FASN: variants seen among roughly 807,000 people sequenced by gnomAD.
FASN encodes the protein 3-hydroxyacyl-[acyl-carrier-protein] dehydratase.
A neutral mutation model predicts 250.0 loss-of-function variants in FASN; 50 were observed. That is an observed-to-expected ratio of 0.20 (90% CI 0.16 to 0.25). The LOEUF is 0.25. FASN is among the 10% of genes least tolerant of loss of function. The pLI is 1.00. For synonymous variants in FASN, 1,909 were observed against 1,584.0 expected, an observed-to-expected ratio of 1.21 and a Z score of -4.87; for missense variants, 3,031 against 3,498.5, an observed-to-expected ratio of 0.87 and a Z score of 3.37.
rs1598575256 is a variant in FASN, at chr17:82,083,826, T to G, written c.5164A>C (p.Asn1722His). Reference sequence around the variant, plus strand: ...TGCTCGAAGGATGTGTCCCGGGAGTTGGCGAAGCTGGTGCTGTCGAGCTGG... The same window carrying G: ...TGCTCGAAGGATGTGTCCCGGGAGTGGGCGAAGCTGGTGCTGTCGAGCTGG... ...FPQLDSTSFA[N>H]SRDTSFEQHV... The change falls in exon 30 of 43, where the codon AAC (asparagine) becomes CAC (histidine). Residue 1722 changes from asparagine to histidine, a missense_variant. By Grantham distance (68) the Asn-to-His change is moderately conservative. Coordinates refer to ENST00000306749, the MANE Select transcript of FASN (RefSeq NM_004104.5). 11 of 1,605,456 alleles carry G rather than the reference T, an allele frequency of 6.9e-6. No homozygotes were observed. The East Asian group carries it at 2.5e-4, about 36-fold the overall frequency.
At chr17:82,094,649 C>T (rs901519851) in intron 3 of FASN, among the ~76,000 whole-genome samples, 2 of 151,392 alleles carry the variant, frequency 1.3e-5, no homozygotes, top group Non-Finnish European at 2.9e-5. Flanking sequence ...ATTAGCCGGG[C>T]GTGGTGGTGG....
chr17:82,091,974 C>A (rs967749473), intron 8 of FASN, among the ~76,000 whole-genome samples: 1 of 152,200 alleles, frequency 6.6e-6, no homozygotes, highest in Non-Finnish European at 1.5e-5. Flanking sequence ...GCCCCCTTGG[C>A]CCAGATGTTG....
At position 82,090,606 on chromosome 17, in the gene FASN, G is replaced by A. The variant is rs371907685; in HGVS notation, c.1681-42C>T. ...ACACTCAGGTTGCAACCTCCAGCAG[G>A]TGCAGCTGTTGGGGGCGGCCCCCGG... On this transcript the variant is annotated intron_variant, in intron 10 of 42. Transcript: ENST00000306749. 1.2e-4 allele frequency: 186 copies of A among 1,566,996 alleles called. 2 individuals carry two copies. In the South Asian group the frequency reaches 2.0e-3, roughly 17 times the overall value.
rs1324267615 is a variant in FASN at position 82,095,380 on chromosome 17, T to C, written c.220A>G (p.Thr74Ala). The C allele has an allele frequency of 8.7e-6, 14 of 1,612,842 alleles. No individual in the cohort carries two copies. Among genetic ancestry groups the C allele is most frequent in the Non-Finnish European group, 1.2e-5 (14 of 1,180,020 alleles). Residue 74 changes from threonine (T) to alanine (A), a missense_variant, in exon 3 of 43, where the codon ACG becomes GCG. Physicochemically the swap from Thr to Ala is moderately conservative, Grantham distance 58. Coordinates refer to ENST00000306749, the MANE Select transcript of FASN (RefSeq NM_004104.5). ...AGCAGCCGCAGCTGAGGGTCCATCGTGTGTGCCTGCTTGGGGTGGACTCCG... is the reference window on the plus strand; with the variant it reads ...AGCAGCCGCAGCTGAGGGTCCATCGCGTGTGCCTGCTTGGGGTGGACTCCG... ...FFGVHPKQAH[T>A]MDPQLRLLLE... is the part of the protein sequence containing the mutation.
rs1475283467 is a variant in FASN, at chr17:82,081,367, C to T, written c.6407-15G>A. ...GTCGCGGATGCCTGGAAGGGATGCG[C>T]CGGGTCGGCAACTCCAGAGGGGGCA... On this transcript the variant is annotated splice_polypyrimidine_tract_variant and intron_variant, in intron 37 of 42. Coordinates refer to ENST00000306749, the MANE Select transcript of FASN (RefSeq NM_004104.5). The T allele has an allele frequency of 5.8e-6, 9 of 1,558,300 alleles. No individual in the cohort carries two copies. The highest frequency in any genetic ancestry group is 7.8e-6 in the Non-Finnish European group (9 of 1,153,060).
Position 82,084,908 on chromosome 17 carries a change from C to T in FASN, c.4455G>A (p.Glu1485=), listed in dbSNP as rs181585755. Reference sequence around the variant, plus strand: ...GCAGTTCTGCGGAGCCCGGGTCCACCTCCGGGACGTGGGAGGTGCTGCTGA... The same window carrying T: ...GCAGTTCTGCGGAGCCCGGGTCCACTTCCGGGACGTGGGAGGTGCTGCTGA... ...SNLSSTSHVP[E]VDPGSAELQK... The change falls in exon 26 of 43, where the codon GAG becomes GAA. Residue 1485 remains glutamate (E), a synonymous_variant. Coordinates refer to ENST00000306749, the MANE Select transcript of FASN (RefSeq NM_004104.5). The T allele has an allele frequency of 7.9e-5, 123 of 1,552,078 alleles. 1 individual carries two copies. In the African/African-American group the frequency reaches 1.5e-3, roughly 19 times the overall value.
chr17:82,080,339 C>T (rs45466394), intron 40 of FASN, 31 bp downstream of exon 40: 54,063 of 1,607,178 alleles, frequency 0.034, 1,142 homozygotes, highest in Middle Eastern at 0.12. Context: ...AGACGTTTGC[C>T]GTAGGCCTCT....
Position 82,083,552 on chromosome 17 carries a change from A to G in FASN, c.5306T>C (p.Ile1769Thr). 1.2e-6 allele frequency: 2 copies of G among 1,612,768 alleles called. No homozygotes were observed. The highest frequency in any genetic ancestry group is 1.7e-5 in the Admixed American group (1 of 60,014). Residue 1769 changes from isoleucine to threonine, a missense_variant, in exon 31 of 43, where the codon ATT becomes ACT. Coordinates refer to ENST00000306749, the MANE Select transcript of FASN (RefSeq NM_004104.5). ...CLATHGRFLE[I>T]GKFDLSQNHP... Reference sequence around the variant, plus strand: ...GTTCTGAGAAAGGTCGAATTTGCCAATTTCCAGGAAGCGACCGTGCGTAGC... The same window carrying G: ...GTTCTGAGAAAGGTCGAATTTGCCAGTTTCCAGGAAGCGACCGTGCGTAGC...
At position 82,085,132 on chromosome 17, in the gene FASN, A is replaced by G. The variant is rs767565275; in HGVS notation, c.4312T>C (p.Ser1438Pro). The G allele has an allele frequency of 6.2e-7, 1 of 1,612,484 alleles. No homozygotes were observed. Among genetic ancestry groups the G allele is most frequent in the Non-Finnish European group, 8.5e-7 (1 of 1,179,940 alleles). ...ATGGCCTTCAGCCACACAGGCCGGG[A>G]AGAGTCTTCGTCAGCCAGGATGCCC... The part of the protein sequence containing the change: ...LKGILADEDS[S>P]RPVWLKAINC... Residue 1438 changes from serine to proline, a missense_variant, in exon 25 of 43, where the codon TCC becomes CCC. Physicochemically the swap from Ser to Pro is moderately conservative, Grantham distance 74 (BLOSUM62 -1). Coordinates refer to ENST00000306749, the MANE Select transcript of FASN (RefSeq NM_004104.5).
In FASN at chr17:82,096,462, G is replaced by A. The variant is rs377661758; in HGVS notation, c.-7-10C>T. The A allele has an allele frequency of 4.7e-5, 76 of 1,609,836 alleles. 1 individual carries two copies. Among genetic ancestry groups the A allele is most frequent in the African/African-American group, 4.5e-4 (34 of 74,936 alleles). On this transcript the variant is annotated splice_polypyrimidine_tract_variant and intron_variant, in intron 1 of 42. Coordinates refer to ENST00000306749, the MANE Select transcript of FASN (RefSeq NM_004104.5). ...CTCCTCCATGGCTGCTCTGCAGGGC[G>A]GGCGGTGTGAGTGCCCCACACATCC...
intron 11 of FASN, 96 bp downstream of exon 11, chr17:82,090,279 C>T: frequency 7.7e-7 from 1 of 1,293,016 alleles, no homozygotes; most frequent in South Asian, 1.3e-5. Context: ...GCCACTCTAT[C>T]CTACGGGGGC....
chr17:82,093,092 G>C, intron 5 of FASN, 73 bp from the exon 6 acceptor site: 1 of 1,593,308 alleles, frequency 6.3e-7, no homozygotes, highest in African/African-American at 1.3e-5. Flanking sequence ...GGAGCTCTGG[G>C]GTGTGGGGTG....
rs760288450 is a variant in FASN at position 82,086,531 on chromosome 17, A to T, written c.3455T>A (p.Val1152Glu). The change falls in exon 22 of 43, where the codon GTG (valine) becomes GAG (glutamate). Residue 1152 changes from valine (V) to glutamate (E), a missense_variant. Transcript: ENST00000306749. ...KGLVQALQTKVTQQGLKMVVP... is the reference protein window; with the variant it reads ...KGLVQALQTKETQQGLKMVVP... The stretch of plus-strand genomic sequence containing the variant: ...CACCATCTTCAGCCCCTGCTGGGTC[A>T]CCTTGGTCTGCAGTGCCTGCACCAG... 6.2e-7 allele frequency: 1 copy of T among 1,612,018 alleles called. No individual in the cohort carries two copies. The highest frequency in any genetic ancestry group is 1.7e-5 in the Admixed American group (1 of 60,014).
chr17:82,093,235 C>T lies in FASN; in HGVS notation c.639G>A (p.Lys213=), dbSNP rs1212875277. ...CACACTCACCCGCTGTGTCGAAGGC[C>T]TTGCAGGTGCCCTCGGGGCTGAGCA... ...LGMLSPEGTC[K]AFDTAGNGYC... The change falls in exon 5 of 43, where the codon AAG becomes AAA. Residue 213 remains lysine, a synonymous_variant. Coordinates refer to ENST00000306749, the MANE Select transcript of FASN (RefSeq NM_004104.5). 6.3e-7 allele frequency: 1 copy of T among 1,586,140 alleles called. No homozygotes were observed.
chr17:82,081,447 T>C, intron 37 of FASN, 95 bp from the exon 38 acceptor site: 21 of 1,570,620 alleles, frequency 1.3e-5, no homozygotes, highest in Non-Finnish European at 1.8e-5. Flanking sequence ...GGGCTGTGCA[T>C]CTCCCAAAGC....
At chr17:82,088,082 G>A (rs746923987) in intron 17 of FASN, 34 bp downstream of exon 17, 20 of 1,612,702 alleles carry the variant, frequency 1.2e-5, no homozygotes, top group Non-Finnish European at 1.7e-5. Context: ...CCGCCCCCCA[G>A]CTACCCCCGC....
intron 8 of FASN, 112 bp downstream of exon 8, chr17:82,092,343 G>A (rs1372859562): frequency 4.3e-6 from 5 of 1,172,504 alleles, no homozygotes; most frequent in East Asian, 2.6e-5. Flanking sequence ...GGCTCCTGGT[G>A]GGGAAGCCCC....
rs745490339 is a variant in FASN, at chr17:82,091,646, G to A, written c.1068C>T (p.Asn356=). Residue 356 remains asparagine (N), a synonymous_variant, in exon 9 of 43, where the codon AAC becomes AAT. Coordinates refer to ENST00000306749, the MANE Select transcript of FASN (RefSeq NM_004104.5). ...LSLEHGLWAP[N]LHFHSPNPEI... ...CAGGGTTGGGGCTATGGAAGTGCAGGTTGGGGGCCCAGAGCCCGTGCTCCA... is the reference window on the plus strand; with the variant it reads ...CAGGGTTGGGGCTATGGAAGTGCAGATTGGGGGCCCAGAGCCCGTGCTCCA... 6.3e-7 allele frequency: 1 copy of A among 1,595,892 alleles called. No homozygotes were observed. The highest frequency in any genetic ancestry group is 8.5e-7 in the Non-Finnish European group (1 of 1,172,874).
At chr17:82,089,201 T>C (rs372520337) in intron 13 of FASN, 29 bp from the exon 14 acceptor site, 142 of 1,603,050 alleles carry the variant, frequency 8.9e-5, no homozygotes, top group Non-Finnish European at 1.1e-4. Context: ...CAGTGCTGGG[T>C]TGTGGGTCCC....
Sources: allele counts gnomAD v4.1 joint callset (sites outside exome capture counted in the v4.1 genomes callset), GRCh38; gene constraint gnomAD v4.1.1; transcripts MANE v1.5; gene names NCBI Gene and HGNC (gene_info 2026-07-23, HGNC 2026-07-21).